KHDRBS2: variants seen among roughly 807,000 people sequenced by gnomAD.
KHDRBS2 encodes the protein KH RNA binding domain containing, signal transduction associated 2.
A neutral mutation model predicts 44.3 loss-of-function variants in KHDRBS2; 26 were observed. The observed-to-expected ratio is 0.59, with a 90% confidence interval of 0.43 to 0.81. The LOEUF is 0.81. Among genes scored for constraint, KHDRBS2 ranks in the 40% least tolerant of loss-of-function variants. The probability of loss-of-function intolerance (pLI) is 0.00; values close to 1 mark genes in which losing one functional copy is unlikely to be tolerated. For synonymous variants in KHDRBS2, 194 were observed against 151.1 expected (o/e 1.28, Z -2.08); for missense variants, 476 against 433.1 (o/e 1.10, Z -0.88).
chr6:61,974,026 A>G (rs1237985174), intron 4 of KHDRBS2, among the ~76,000 whole-genome samples: 1 of 152,214 alleles, frequency 6.6e-6, no homozygotes, highest in Admixed American at 6.5e-5. Context: ...TAAACACACA[A>G]TGAGCAGAAT....
intron 4 of KHDRBS2, among the ~76,000 whole-genome samples, chr6:61,969,228 T>G (rs1770796446): frequency 6.6e-6 from 1 of 152,108 alleles, no homozygotes; most frequent in South Asian, 2.1e-4. Context: ...GTAATTCTTA[T>G]AAGAAGTGAC....
At chr6:62,011,160 C>G (rs1416635133) in intron 3 of KHDRBS2, among the ~76,000 whole-genome samples, 1 of 152,092 alleles carries the variant, frequency 6.6e-6, no homozygotes, top group African/African-American at 2.4e-5. Context: ...TAGAATTCAT[C>G]TTAAGGTTTT....
intron 6 of KHDRBS2, among the ~76,000 whole-genome samples, chr6:61,836,589 G>A (rs1456792245): frequency 1.3e-5 from 2 of 151,974 alleles, no homozygotes; most frequent in Non-Finnish European, 2.9e-5. Flanking sequence ...TGTGTTATTT[G>A]CAACAGATGA....
intron 6 of KHDRBS2, among the ~76,000 whole-genome samples, chr6:61,877,273 G>T (rs2127311919): frequency 6.6e-6 from 1 of 152,020 alleles, no homozygotes; most frequent in African/African-American, 2.4e-5. Context: ...AGAAAATTAG[G>T]AAGCCAGAGG....
chr6:61,973,122 A>C (rs1179445341), intron 4 of KHDRBS2, among the ~76,000 whole-genome samples: 3 of 152,242 alleles, frequency 2.0e-5, no homozygotes, highest in African/African-American at 7.2e-5. Flanking sequence ...TGAGAGAGTG[A>C]GACTCTGTCT....
At chr6:61,998,338 T>C (rs1246149352) in intron 3 of KHDRBS2, among the ~76,000 whole-genome samples, 2 of 152,160 alleles carry the variant, frequency 1.3e-5, no homozygotes, top group Admixed American at 6.5e-5. Context: ...ACTCATACTA[T>C]AATAAGTTGC....
chr6:61,673,373 A>C, the KHDRBS2 span, among the ~76,000 whole-genome samples: 4 of 151,892 alleles, frequency 2.6e-5, no homozygotes, highest in Non-Finnish European at 5.9e-5. Context: ...CAAGACAGGG[A>C]TGCCCTCTCT....
intron 1 of KHDRBS2, among the ~76,000 whole-genome samples, chr6:62,237,872 C>T (rs1475408721): frequency 6.6e-6 from 1 of 151,994 alleles, no homozygotes; most frequent in Admixed American, 6.6e-5. Context: ...AAGTCCTTCT[C>T]TACTAAAGAT....
the KHDRBS2 span, among the ~76,000 whole-genome samples, chr6:61,551,633 T>C: frequency 1.3e-5 from 2 of 152,204 alleles, no homozygotes; most frequent in Non-Finnish European, 1.5e-5. Flanking sequence ...CTTTCCCCAT[T>C]GCTTGTTTTT....
At chr6:61,599,156 G>A in the KHDRBS2 span, among the ~76,000 whole-genome samples, 2 of 151,922 alleles carry the variant, frequency 1.3e-5, no homozygotes, top group African/African-American at 2.4e-5. Context: ...GGCTGGTCTC[G>A]AACTCCTGAC....
rs1180431247 is a variant in KHDRBS2, at chr6:62,186,162, T to C, written c.92-8850A>G. 3.9e-5 allele frequency among the ~76,000 whole-genome samples: 6 copies of C among 152,216 alleles called. No individual in the cohort carries two copies. The East Asian group carries it at 7.7e-4, about 20-fold the overall frequency. On this transcript the variant is annotated intron_variant, in intron 1 of 8. Coordinates refer to ENST00000281156, the MANE Select transcript of KHDRBS2 (RefSeq NM_152688.4). Reference sequence around the variant, plus strand: ...TATTGCTTTCTAAGCCTTTTCTATGTATTAGGCAATGATCAATTTCTGCAC... The same window carrying C: ...TATTGCTTTCTAAGCCTTTTCTATGCATTAGGCAATGATCAATTTCTGCAC...
chr6:61,998,133 T>G (rs1245723385), intron 3 of KHDRBS2, among the ~76,000 whole-genome samples: 1 of 152,144 alleles, frequency 6.6e-6, no homozygotes, highest in African/African-American at 2.4e-5. Context: ...TTAAATACAT[T>G]TAGTTAAATG....
the KHDRBS2 span, among the ~76,000 whole-genome samples, chr6:61,549,277 T>C: frequency 6.6e-6 from 1 of 152,184 alleles, no homozygotes; most frequent in Admixed American, 6.6e-5. Context: ...TTAAACAATG[T>C]GTTTTAGTTG....
At chr6:62,060,256 A>G (rs1791435914) in intron 2 of KHDRBS2, among the ~76,000 whole-genome samples, 1 of 151,820 alleles carries the variant, frequency 6.6e-6, no homozygotes, top group South Asian at 2.1e-4. Flanking sequence ...AAAGCAATGT[A>G]GTTCAATTGA....
intron 8 of KHDRBS2, among the ~76,000 whole-genome samples, chr6:61,691,082 C>T (rs916146694): frequency 1.8e-4 from 27 of 151,932 alleles, no homozygotes; most frequent in African/African-American, 6.0e-4. Flanking sequence ...GCTGAACGTT[C>T]GTATTTTTTT....
chr6:61,551,880 T>A, the KHDRBS2 span, among the ~76,000 whole-genome samples: 5 of 152,166 alleles, frequency 3.3e-5, no homozygotes, highest in Non-Finnish European at 7.3e-5. Context: ...TTTAAATTAG[T>A]TTTTTCCTAA....
the KHDRBS2 span, among the ~76,000 whole-genome samples, chr6:61,543,453 T>C: frequency 6.6e-6 from 1 of 152,020 alleles, no homozygotes; most frequent in African/African-American, 2.4e-5. Context: ...TGACAAATGC[T>C]GACAAGGATG....
At chr6:62,158,564 A>G (rs762505352) in intron 2 of KHDRBS2, among the ~76,000 whole-genome samples, 3 of 152,148 alleles carry the variant, frequency 2.0e-5, no homozygotes, top group Non-Finnish European at 4.4e-5. Flanking sequence ...CAAAAACTCT[A>G]TATCTTAATA....
chr6:61,991,145 C>T (rs569446961), intron 3 of KHDRBS2, among the ~76,000 whole-genome samples: 18 of 152,218 alleles, frequency 1.2e-4, no homozygotes, highest in African/African-American at 2.2e-4. Flanking sequence ...GGAAATACAA[C>T]GTTTAGACCA....
Sources: gnomAD v4.1 joint callset for allele counts (sites outside exome capture counted in the v4.1 genomes callset) on GRCh38, gnomAD v4.1.1 for gene constraint, MANE v1.5 for transcripts, NCBI Gene and HGNC (gene_info 2026-07-23, HGNC 2026-07-21) for gene names.